The following PCCA variants were observed in gnomAD, a reference collection of about 807,000 sequenced individuals.
PCCA encodes propionyl-CoA carboxylase subunit alpha.
A neutral mutation model predicts 101.3 loss-of-function variants in PCCA; 74 were observed. The observed-to-expected ratio is 0.73, with a 90% confidence interval of 0.61 to 0.89. The LOEUF (loss-of-function observed/expected upper bound fraction) is 0.89, where lower values mean the gene tolerates loss of function less well. PCCA is among the 40% of genes least tolerant of loss of function. The probability of loss-of-function intolerance (pLI) is 0.00; values close to 1 mark genes in which losing one functional copy is unlikely to be tolerated. For synonymous variants in PCCA, 294 were observed against 313.6 expected, an observed-to-expected ratio of 0.94 and a Z score of 0.66; for missense variants, 891 against 907.0, an observed-to-expected ratio of 0.98 and a Z score of 0.23.
Position 100,153,784 on chromosome 13 carries a change from C to T in PCCA, c.301-1195C>T, listed in dbSNP as rs561422551. On this transcript the variant is annotated intron_variant, in intron 4 of 23. Transcript: ENST00000376285. The stretch of plus-strand genomic sequence containing the variant: ...ACAATTGGTATTATTAAATAATTAC[C>T]GAATGTATATATTTGGATATTTTAT... 5.3e-5 allele frequency among the ~76,000 whole-genome samples: 8 copies of T among 152,114 alleles called. No homozygotes were observed. In the East Asian group the frequency reaches 5.8e-4, roughly 11 times the overall value.
intron 21 of PCCA, among the ~76,000 whole-genome samples, chr13:100,464,151 A>T (rs9300602): frequency 0.23 from 35,319 of 152,030 alleles, 4,178 homozygotes; most frequent in Admixed American, 0.25. Context: ...TCCATTTAAA[A>T]TATTTGAGAT....
intron 22 of PCCA, among the ~76,000 whole-genome samples, chr13:100,519,683 T>G (rs531161542): frequency 9.2e-5 from 14 of 152,362 alleles, no homozygotes; most frequent in African/African-American, 3.4e-4. Flanking sequence ...AAGCCTCATG[T>G]AACTGAGCTT....
chr13:100,188,291 C>CAAAA (rs756051251), intron 6 of PCCA, among the ~76,000 whole-genome samples: 9,461 of 84,730 alleles, frequency 0.11, 460 homozygotes, highest in Middle Eastern at 0.21. Flanking sequence ...GACTCTGTCT[C>CAAAA]AAAAAAACAA....
chr13:100,259,924 C>T (rs1167660866), intron 9 of PCCA, among the ~76,000 whole-genome samples: 1 of 152,112 alleles, frequency 6.6e-6, no homozygotes, highest in East Asian at 1.9e-4. Context: ...CAGTGATATT[C>T]ATAATAGAGT....
At chr13:100,269,046 T>A (rs1272737315) in intron 11 of PCCA, among the ~76,000 whole-genome samples, 1 of 152,134 alleles carries the variant, frequency 6.6e-6, no homozygotes, top group Non-Finnish European at 1.5e-5. Context: ...TGGGGTTTTG[T>A]CATGTTGCTC....
At chr13:100,236,662 A>C (rs926212296) in intron 8 of PCCA, 3 of 151,958 alleles carry the variant, frequency 2.0e-5, no homozygotes, top group Non-Finnish European at 2.9e-5. Flanking sequence ...GAGTTTCACT[A>C]TGTTGGCCAG....
chr13:100,220,232 C>A (rs979677889), intron 7 of PCCA, among the ~76,000 whole-genome samples: 1 of 151,886 alleles, frequency 6.6e-6, no homozygotes, highest in Non-Finnish European at 1.5e-5. Context: ...TTCAAAAGAC[C>A]GTGTCCAATA....
intron 19 of PCCA, among the ~76,000 whole-genome samples, chr13:100,410,586 A>G (rs1595796093): frequency 2.0e-5 from 3 of 152,234 alleles, no homozygotes; most frequent in Non-Finnish European, 4.4e-5. Flanking sequence ...CTACTAGTGT[A>G]GTGAGCACCA....
At chr13:100,174,821 A>C (rs2056086050) in intron 6 of PCCA, among the ~76,000 whole-genome samples, 1 of 151,956 alleles carries the variant, frequency 6.6e-6, no homozygotes, top group African/African-American at 2.4e-5. Context: ...TTGTATTATG[A>C]GTATTACTCT....
intron 7 of PCCA, among the ~76,000 whole-genome samples, chr13:100,228,430 G>A (rs1343967281): frequency 6.6e-6 from 1 of 151,986 alleles, no homozygotes. Context: ...ATTGTTCTAA[G>A]CCCTTTCATA....
chr13:100,449,580 G>A (rs574490727), intron 21 of PCCA, among the ~76,000 whole-genome samples: 44 of 152,140 alleles, frequency 2.9e-4, no homozygotes, highest in Non-Finnish European at 5.7e-4. Context: ...TCTGCCTCCC[G>A]GGTTCAAGCG....
intron 20 of PCCA, among the ~76,000 whole-genome samples, chr13:100,444,436 T>A (rs2080628083): frequency 1.3e-5 from 1 of 76,268 alleles, no homozygotes; most frequent in African/African-American, 1.0e-4. Context: ...ACAACCTTTT[T>A]TTTTTTTTTT....
At chr13:100,393,830 C>G (rs750985675) in intron 19 of PCCA, among the ~76,000 whole-genome samples, 2 of 152,182 alleles carry the variant, frequency 1.3e-5, no homozygotes, top group African/African-American at 4.8e-5. Flanking sequence ...TTCTACTTAG[C>G]AAGTATATGA....
chr13:100,245,383 T>C (rs2061376092), intron 8 of PCCA, among the ~76,000 whole-genome samples: 1 of 152,138 alleles, frequency 6.6e-6, no homozygotes, highest in African/African-American at 2.4e-5. Context: ...TTAATTGGAG[T>C]TTGTGGAGTT....
chr13:100,530,220 C>T lies in PCCA; in HGVS notation c.*54C>T, dbSNP rs1594175885. On this transcript the variant is annotated 3_prime_UTR_variant, in exon 24 of 24. Transcript: ENST00000376285. ...AATTTAATTAGCCATTTGCATGATG[C>T]TTTCACACACAATTGATTCAAGCAT... 3.8e-6 allele frequency: 5 copies of T among 1,324,898 alleles called. No homozygotes were observed. The South Asian group carries it at 4.7e-5, about 13-fold the overall frequency. 82.1% of individuals were successfully genotyped at this position (1,324,898 alleles called of 1,614,324 possible).
intron 4 of PCCA, chr13:100,150,405 T>G (rs919756935): frequency 2.9e-6 from 1 of 343,170 alleles, no homozygotes; most frequent in Non-Finnish European, 4.7e-6. Flanking sequence ...TTTAATATTT[T>G]TATCATTGTA....
chr13:100,183,318 AC>A (rs2056966822), intron 6 of PCCA, among the ~76,000 whole-genome samples: 1 of 152,176 alleles, frequency 6.6e-6, no homozygotes, highest in African/African-American at 2.4e-5. Flanking sequence ...AAAATCATGG[AC>A]TTTTTGAGCT....
At chr13:100,205,156 G>A (rs1341537127) in intron 6 of PCCA, among the ~76,000 whole-genome samples, 1 of 152,090 alleles carries the variant, frequency 6.6e-6, no homozygotes, top group African/African-American at 2.4e-5. Context: ...ATAATTAGAT[G>A]GATAACAAAA....
intron 20 of PCCA, among the ~76,000 whole-genome samples, chr13:100,445,274 C>T (rs2080741762): frequency 1.3e-5 from 2 of 152,200 alleles, no homozygotes; most frequent in Admixed American, 6.5e-5. Flanking sequence ...CACTGGGGAT[C>T]ACATTTCAAC....
Sources: gnomAD v4.1 joint callset for allele counts (sites outside exome capture counted in the v4.1 genomes callset) on GRCh38, gnomAD v4.1.1 for gene constraint, MANE v1.5 for transcripts, NCBI Gene and HGNC (gene_info 2026-07-23, HGNC 2026-07-21) for gene names.